Variants in OPRM1 observed in about 807,000 individuals in gnomAD.
OPRM1 encodes the protein opioid receptor mu 1.
In OPRM1, 27 loss-of-function variants were observed where a neutral mutation model predicts 31.8. The ratio of observed to expected loss-of-function variants is 0.85; its 90% CI spans 0.63 to 1.17. The LOEUF (loss-of-function observed/expected upper bound fraction) is 1.17, where lower values mean the gene tolerates loss of function less well. OPRM1 is among the 50% of genes most tolerant of loss of function. The pLI is 0.00. For missense variants in OPRM1, 536 were observed against 511.1 expected (o/e 1.05, Z -0.47); for synonymous variants, 196 against 189.9 (o/e 1.03, Z -0.26).
At chr6:154,154,748 C>T (rs566288718) in intron 3 of OPRM1, 1 of 152,314 alleles carries the variant, frequency 6.6e-6, no homozygotes, top group South Asian at 2.1e-4. Context: ...TTTTATCTTA[C>T]AAGTCAACCT....
rs143960423 is a variant in OPRM1 at position 154,149,947 on chromosome 6, T to C, written c.1164+58475T>C. ...TCCCACCTCCACAGGACAGCCACCA[T>C]AGCTTTTTAATGATGCTAATAGCCC... On this transcript the variant is annotated intron_variant, in intron 3 of 3. Coordinates refer to the OPRM1 transcript ENST00000337049. Among the ~76,000 whole-genome samples, 38 of 152,340 alleles carry C rather than the reference T, an allele frequency of 2.5e-4. 1 individual carries two copies. The East Asian group carries it at 6.6e-3, about 26-fold the overall frequency.
intron 3 of OPRM1, among the ~76,000 whole-genome samples, chr6:154,142,362 C>T (rs1424748146): frequency 6.6e-6 from 1 of 152,182 alleles, no homozygotes; most frequent in Non-Finnish European, 1.5e-5. Flanking sequence ...GGTGACTGGG[C>T]TCGACCATGC....
intron 1 of OPRM1, among the ~76,000 whole-genome samples, chr6:154,085,382 A>AT (rs1157263425): frequency 1.3e-5 from 2 of 152,144 alleles, no homozygotes; most frequent in Non-Finnish European, 2.9e-5. Flanking sequence ...GAAGAACACA[A>AT]TTTTTTTCAA....
intron 1 of OPRM1, among the ~76,000 whole-genome samples, chr6:154,043,141 G>A (rs958121216): frequency 6.6e-6 from 1 of 152,152 alleles, no homozygotes; most frequent in Non-Finnish European, 1.5e-5. Flanking sequence ...TGGAGGGCTA[G>A]AAACTTTGAG....
chr6:154,212,761 G>T (rs547006066), intron 3 of OPRM1: 1 of 1,583,266 alleles, frequency 6.3e-7, no homozygotes, highest in Non-Finnish European at 8.7e-7. Flanking sequence ...TACTTATGTC[G>T]GTACATACCA....
At chr6:154,150,802 C>T (rs191010655) in intron 3 of OPRM1, among the ~76,000 whole-genome samples, 2 of 152,286 alleles carry the variant, frequency 1.3e-5, no homozygotes, top group Admixed American at 6.5e-5. Context: ...ACTCTTGTAC[C>T]TGATTTTGAA....
At chr6:154,084,426 C>G (rs1374952524) in intron 1 of OPRM1, among the ~76,000 whole-genome samples, 3 of 152,002 alleles carry the variant, frequency 2.0e-5, no homozygotes, top group East Asian at 1.9e-4. Flanking sequence ...CAGACAGACA[C>G]ACACACACAC....
In OPRM1 at chr6:154,148,282, C is replaced by T. The variant is rs1798408017; in HGVS notation, c.1164+56810C>T. Among the ~76,000 whole-genome samples the T allele has an allele frequency of 2.6e-5, 4 of 152,340 alleles. No homozygotes were observed. The South Asian group carries it at 8.3e-4, about 32-fold the overall frequency. ...CTTGTCTTTCATAGCCAGGATGAAA[C>T]ATTGCTTTTTCCCAGATGGAAGGGG... On this transcript the variant is annotated intron_variant, in intron 3 of 3. Transcript: ENST00000337049.
At chr6:154,103,696 T>G (rs609166) in intron 3 of OPRM1, among the ~76,000 whole-genome samples, 107,471 of 152,026 alleles carry the variant, frequency 0.71, 38,308 homozygotes, top group East Asian at 0.9. Context: ...ACAAGGGGTG[T>G]ATTATTCATG....
At chr6:154,173,307 A>C (rs1406692544) in intron 3 of OPRM1, among the ~76,000 whole-genome samples, 1 of 152,202 alleles carries the variant, frequency 6.6e-6, no homozygotes, top group Non-Finnish European at 1.5e-5. Flanking sequence ...ACAAAACTGG[A>C]TGGAGAATGA....
At chr6:154,229,343 C>T (rs1037404420) in intron 3 of OPRM1, among the ~76,000 whole-genome samples, 5 of 141,050 alleles carry the variant, frequency 3.5e-5, no homozygotes, top group African/African-American at 1.3e-4. Context: ...GAAAAGTTTG[C>T]CGGTTTTTTT....
chr6:154,100,701 CA>C (rs1476831135), intron 3 of OPRM1, among the ~76,000 whole-genome samples: 3 of 151,588 alleles, frequency 2.0e-5, no homozygotes, highest in African/African-American at 4.8e-5. Flanking sequence ...GTATAGAGCA[CA>C]TTTTTTGTGT....
chr6:154,046,059 G>A (rs1245284125), intron 1 of OPRM1, among the ~76,000 whole-genome samples: 1 of 152,176 alleles, frequency 6.6e-6, no homozygotes, highest in African/African-American at 2.4e-5. Flanking sequence ...ACACTCTGCT[G>A]AATATCCTTC....
At chr6:154,076,011 G>A (rs1198019854) in intron 1 of OPRM1, among the ~76,000 whole-genome samples, 1 of 152,186 alleles carries the variant, frequency 6.6e-6, no homozygotes, top group Admixed American at 6.5e-5. Flanking sequence ...TTCTTCTCAT[G>A]TATAAGGAGA....
Position 154,044,961 on chromosome 6 carries a change from T to C in OPRM1, c.290+5127T>C, listed in dbSNP as rs544797370. Among the ~76,000 whole-genome samples, 9 of 152,192 alleles carry C rather than the reference T, an allele frequency of 5.9e-5. No homozygotes were observed. In the East Asian group the frequency reaches 1.7e-3, roughly 29 times the overall value. ...TAGTGGTGGTCAGGCACTGTAGCTC[T>C]TACTTACAATGCCAGCGCTTTGGGA... On this transcript the variant is annotated intron_variant, in intron 1 of 3. Transcript: ENST00000330432.
chr6:154,092,215 T>C (rs1792425988), intron 3 of OPRM1, among the ~76,000 whole-genome samples: 2 of 152,090 alleles, frequency 1.3e-5, no homozygotes, highest in Admixed American at 1.3e-4. Flanking sequence ...AATTCAAGAC[T>C]TATACACACT....
intron 3 of OPRM1, chr6:154,214,171 G>A (rs1488460592): frequency 9.1e-6 from 11 of 1,210,726 alleles, no homozygotes; most frequent in Non-Finnish European, 1.4e-5. Context: ...GTTTCAACCT[G>A]TTCTAATATT....
chr6:154,171,946 G>A (rs1799906070), intron 3 of OPRM1, among the ~76,000 whole-genome samples: 1 of 152,120 alleles, frequency 6.6e-6, no homozygotes, highest in Non-Finnish European at 1.5e-5. Flanking sequence ...TTTGAATTAA[G>A]GAATATATGT....
At chr6:154,017,372 C>T (rs193122566) in intron 1 of OPRM1, among the ~76,000 whole-genome samples, 27 of 152,208 alleles carry the variant, frequency 1.8e-4, no homozygotes, top group African/African-American at 6.5e-4. Flanking sequence ...TTTTGCCATG[C>T]GTATCAATCC....
Sources: gnomAD v4.1 joint callset for allele counts (sites outside exome capture counted in the v4.1 genomes callset) on GRCh38, gnomAD v4.1.1 for gene constraint, MANE v1.5 for transcripts, NCBI Gene and HGNC (gene_info 2026-07-23, HGNC 2026-07-21) for gene names.